Variants in CDADC1 observed in about 807,000 individuals in gnomAD.
CDADC1 encodes the protein cytidine and dCMP deaminase domain containing 1.
Under a neutral mutation model 54.9 loss-of-function variants are expected in CDADC1, and 39 were observed. That is an observed-to-expected ratio of 0.71 (90% CI 0.55 to 0.93). The LOEUF (loss-of-function observed/expected upper bound fraction) is 0.93. Ranked by LOEUF, CDADC1 falls within the 40% of genes least tolerant of loss-of-function variation. CDADC1 has a pLI of 0.00. For missense variants in CDADC1, 518 were observed against 618.8 expected (o/e 0.84, Z 1.73); for synonymous variants, 186 against 204.0 (o/e 0.91, Z 0.75).
rs189191573 is a variant in CDADC1 at position 49,279,771 on chromosome 13, C to G, written c.1221-738C>G. On this transcript the variant is annotated intron_variant, in intron 7 of 9. Transcript: ENST00000251108. ...GGAATTGAAGATGGCTGGCTGAGAG[C>G]TACGTAAGCCTCAGAACCCGGAAGT... Among the ~76,000 whole-genome samples the G allele has an allele frequency of 3.4e-3, 516 of 152,250 alleles. 16 individuals carry two copies. The highest frequency in any genetic ancestry group is 4.3e-4 in the Non-Finnish European group (29 of 68,024).
intron 4 of CDADC1, 96 bp downstream of exon 4, chr13:49,259,619 G>A (rs1249287079): frequency 1.6e-6 from 2 of 1,216,112 alleles, no homozygotes; most frequent in Non-Finnish European, 2.3e-6. Flanking sequence ...GGGAGGACAA[G>A]GCAGGAGGAT....
chr13:49,249,401 A>G (rs1952374079), intron 2 of CDADC1, among the ~76,000 whole-genome samples: 1 of 152,206 alleles, frequency 6.6e-6, no homozygotes, highest in Admixed American at 6.5e-5. Flanking sequence ...GTTGGATGGA[A>G]GTAGTCTCTT....
intron 2 of CDADC1, among the ~76,000 whole-genome samples, chr13:49,255,198 A>G (rs1167020749): frequency 6.6e-6 from 1 of 152,206 alleles, no homozygotes; most frequent in African/African-American, 2.4e-5. Context: ...AGCAATGGCC[A>G]GTCAGGTCTT....
intron 4 of CDADC1, chr13:49,265,934 A>T (rs1483476571): frequency 1.5e-6 from 2 of 1,302,696 alleles, no homozygotes; most frequent in Admixed American, 4.6e-5. Flanking sequence ...ACTGCTGGTT[A>T]GGAAATGGAT....
chr13:49,248,743 C>G, intron 1 of CDADC1, 128 bp from the exon 2 acceptor site: 2 of 690,896 alleles, frequency 2.9e-6, no homozygotes, highest in East Asian at 2.5e-5. Context: ...CTCTCTTGTC[C>G]CCTATCTTTT....
At chr13:49,252,839 A>T (rs994122372) in intron 2 of CDADC1, among the ~76,000 whole-genome samples, 1 of 152,248 alleles carries the variant, frequency 6.6e-6, no homozygotes, top group African/African-American at 2.4e-5. Context: ...TAAATTATAC[A>T]GTAAGAATAC....
chr13:49,264,440 G>A (rs1210685928), intron 4 of CDADC1, among the ~76,000 whole-genome samples: 1 of 151,940 alleles, frequency 6.6e-6, no homozygotes, highest in African/African-American at 2.4e-5. Flanking sequence ...GCATAGTACA[G>A]GTCAGGCGCA....
intron 9 of CDADC1, among the ~76,000 whole-genome samples, chr13:49,291,311 G>A (rs1953699091): frequency 6.7e-6 from 1 of 150,038 alleles, no homozygotes; most frequent in South Asian, 2.2e-4. Context: ...GGGATTACAG[G>A]TGTGCGCCAC....
chr13:49,257,061 G>A (rs1952563682), intron 3 of CDADC1, among the ~76,000 whole-genome samples: 1 of 152,192 alleles, frequency 6.6e-6, no homozygotes, highest in Admixed American at 6.6e-5. Flanking sequence ...CAGTCCTCTG[G>A]GAGTTGTGGT....
intron 5 of CDADC1, among the ~76,000 whole-genome samples, chr13:49,269,784 A>T (rs1451416884): frequency 2.0e-5 from 3 of 152,200 alleles, no homozygotes; most frequent in African/African-American, 7.2e-5. Context: ...CTTGCTTCTC[A>T]TAGAACACCT....
intron 8 of CDADC1, among the ~76,000 whole-genome samples, chr13:49,282,236 G>GTTGTTTTT (rs1953367376): frequency 1.1e-5 from 1 of 94,146 alleles, no homozygotes; most frequent in Admixed American, 1.2e-4. Context: ...GTTTTTGTGG[G>GTTGTTTTT]TTTTTTTTTT....
chr13:49,291,220 G>A (rs973199304), intron 9 of CDADC1, among the ~76,000 whole-genome samples: 1 of 144,476 alleles, frequency 6.9e-6, no homozygotes, highest in Non-Finnish European at 1.5e-5. Flanking sequence ...AGGCTGGAAT[G>A]CAGTGGCACA....
chr13:49,257,688 G>A (rs1952578954), intron 3 of CDADC1, among the ~76,000 whole-genome samples: 1 of 152,188 alleles, frequency 6.6e-6, no homozygotes, highest in African/African-American at 2.4e-5. Context: ...CATGAACCCG[G>A]GAGGCGGAGC....
intron 3 of CDADC1, among the ~76,000 whole-genome samples, chr13:49,256,579 C>T (rs574489553): frequency 5.4e-4 from 82 of 152,304 alleles, no homozygotes; most frequent in African/African-American, 1.9e-3. Flanking sequence ...AACAGGTTAA[C>T]TTATTAGTTG....
At position 49,291,667 on chromosome 13, in the gene CDADC1, G is replaced by A. The variant is rs763538242; in HGVS notation, c.1472-17G>A. The A allele has an allele frequency of 8.7e-6, 14 of 1,612,042 alleles. No homozygotes were observed. Among genetic ancestry groups the A allele is most frequent in the East Asian group, 6.7e-5 (3 of 44,856 alleles). On this transcript the variant is annotated splice_polypyrimidine_tract_variant and intron_variant, in intron 9 of 9. Coordinates refer to ENST00000251108, the MANE Select transcript of CDADC1 (RefSeq NM_030911.4). Reference sequence around the variant, plus strand: ...TGAAATGAAGCTGTCCTGACCTAGCGTTATTCTCAATGCTAGATGGTGTGT... The same window carrying A: ...TGAAATGAAGCTGTCCTGACCTAGCATTATTCTCAATGCTAGATGGTGTGT...
rs759568855 is a variant in CDADC1 at position 49,274,304 on chromosome 13, A to G, written c.1014A>G (p.Thr338=). 2.5e-6 allele frequency: 4 copies of G among 1,610,338 alleles called. No individual in the cohort carries two copies. Among genetic ancestry groups the G allele is most frequent in the East Asian group, 4.5e-5 (2 of 44,828 alleles). ...TATATCTTTCAGAGGATCATAAAACAGGAGTTGGGGCAGTCATTTGGGCAG... is the reference window on the plus strand; with the variant it reads ...TATATCTTTCAGAGGATCATAAAACGGGAGTTGGGGCAGTCATTTGGGCAG... The part of the protein sequence containing the change: ...LLAYRTEDHK[T]GVGAVIWAEG... Residue 338 remains threonine, a synonymous_variant, in exon 6 of 10, where the codon ACA becomes ACG. Coordinates refer to ENST00000251108, the MANE Select transcript of CDADC1 (RefSeq NM_030911.4).
intron 8 of CDADC1, among the ~76,000 whole-genome samples, chr13:49,282,850 A>C (rs1257606627): frequency 6.6e-6 from 1 of 152,236 alleles, no homozygotes; most frequent in East Asian, 1.9e-4. Flanking sequence ...CCTTATGAGA[A>C]TCTAAAGCCT....
rs1373699541 is a variant in CDADC1, at chr13:49,286,222, T to G, written c.1411T>G (p.Trp471Gly). The change falls in exon 9 of 10, where the codon TGG becomes GGG. Residue 471 changes from tryptophan (W) to glycine (G), a missense_variant and splice_region_variant. Coordinates refer to ENST00000251108, the MANE Select transcript of CDADC1 (RefSeq NM_030911.4). ...GTAAAATGTTTGTGCACTCTTACAGTGGCAGCTGAATCCATCAGGAGCTTA... is the reference window on the plus strand; with the variant it reads ...GTAAAATGTTTGTGCACTCTTACAGGGGCAGCTGAATCCATCAGGAGCTTA... ...GELEGVSKFT[W>G]QLNPSGAYGL... 3.1e-6 allele frequency: 5 copies of G among 1,612,486 alleles called. No individual in the cohort carries two copies. Among genetic ancestry groups the G allele is most frequent in the Non-Finnish European group, 4.2e-6 (5 of 1,178,532 alleles).
intron 3 of CDADC1, among the ~76,000 whole-genome samples, chr13:49,257,658 G>A (rs1050652930): frequency 6.6e-6 from 1 of 152,076 alleles, no homozygotes; most frequent in Non-Finnish European, 1.5e-5. Flanking sequence ...GCTACTCCAC[G>A]GGCTGAGGCA....
Sources: gnomAD v4.1 joint callset for allele counts (sites outside exome capture counted in the v4.1 genomes callset) on GRCh38, gnomAD v4.1.1 for gene constraint, MANE v1.5 for transcripts, NCBI Gene and HGNC (gene_info 2026-07-23, HGNC 2026-07-21) for gene names.